The following PAK1 variants were observed in gnomAD, a reference collection of about 807,000 sequenced individuals.
PAK1 encodes the protein p21 (RAC1) activated kinase 1, also known as serine/threonine-protein kinase PAK 1.
PAK1 carries 29 observed loss-of-function variants against 67.4 expected under a neutral mutation model. The observed-to-expected ratio is 0.43, with a 90% CI of 0.32 to 0.59. The LOEUF (loss-of-function observed/expected upper bound fraction) is 0.59, where lower values mean the gene tolerates loss of function less well. Ranked by LOEUF, PAK1 falls within the 20% of genes least tolerant of loss-of-function variation. The probability of loss-of-function intolerance (pLI) is 0.07; values close to 1 mark genes in which losing one functional copy is unlikely to be tolerated. For missense variants in PAK1, 337 were observed against 670.7 expected (o/e 0.50, Z 5.50); for synonymous variants, 223 against 237.4 (o/e 0.94, Z 0.56).
At chr11:77,382,712 G>A (rs987473092) in intron 2 of PAK1, among the ~76,000 whole-genome samples, 1 of 152,068 alleles carries the variant, frequency 6.6e-6, no homozygotes, top group African/African-American at 2.4e-5. Flanking sequence ...AAATATTAGG[G>A]AATGGCCGGG....
chr11:77,385,709 T>C (rs1950361225), intron 2 of PAK1, among the ~76,000 whole-genome samples: 1 of 151,976 alleles, frequency 6.6e-6, no homozygotes, highest in Admixed American at 6.6e-5. Flanking sequence ...ATACAAAAAT[T>C]AGCCAGGCGT....
the PAK1 span, among the ~76,000 whole-genome samples, chr11:77,513,735 C>T: frequency 2.0e-5 from 3 of 146,384 alleles, no homozygotes; most frequent in Admixed American, 6.8e-5. Context: ...ACTGTGTGCA[C>T]GGACAAAGCA....
chr11:77,459,778 C>T (rs1293838512), intron 1 of PAK1, among the ~76,000 whole-genome samples: 1 of 149,342 alleles, frequency 6.7e-6, no homozygotes, highest in Non-Finnish European at 1.5e-5. Flanking sequence ...CTGCAAGCTC[C>T]GCCTCCCGGG....
chr11:77,511,350 G>C, the PAK1 span, among the ~76,000 whole-genome samples: 2 of 152,156 alleles, frequency 1.3e-5, no homozygotes, highest in African/African-American at 4.8e-5. Context: ...TGGTGAGTCT[G>C]GAGTCTTGTT....
chr11:77,359,441 C>G (rs2136599416), intron 5 of PAK1, among the ~76,000 whole-genome samples: 1 of 152,242 alleles, frequency 6.6e-6, no homozygotes, highest in Middle Eastern at 3.4e-3. Flanking sequence ...ACTATAATTT[C>G]TTACTCTCTC....
At chr11:77,356,585 T>A (rs536665068) in intron 6 of PAK1, among the ~76,000 whole-genome samples, 5 of 152,338 alleles carry the variant, frequency 3.3e-5, no homozygotes, top group Non-Finnish European at 5.9e-5. Context: ...ATAATAATGA[T>A]AACTATCTTT....
At chr11:77,484,218 TAA>T in the PAK1 span, among the ~76,000 whole-genome samples, 3 of 110,390 alleles carry the variant, frequency 2.7e-5, no homozygotes, top group Admixed American at 9.0e-5. Flanking sequence ...AAGTTATCCA[TAA>T]AAAAAAAAAA....
chr11:77,410,665 AG>A (rs1239493540), intron 1 of PAK1, among the ~76,000 whole-genome samples: 1 of 150,382 alleles, frequency 6.6e-6, no homozygotes, highest in Non-Finnish European at 1.5e-5. Flanking sequence ...GGGAGGAGGA[AG>A]GGTGAAGGGG....
chr11:77,399,634 CG>C (rs1418457385), intron 1 of PAK1, among the ~76,000 whole-genome samples: 1 of 151,670 alleles, frequency 6.6e-6, no homozygotes, highest in Non-Finnish European at 1.5e-5. Flanking sequence ...CCGAGGCTGG[CG>C]GATCACGAGG....
chr11:77,393,832 CT>C (rs1951477910), intron 1 of PAK1, among the ~76,000 whole-genome samples: 1 of 151,986 alleles, frequency 6.6e-6, no homozygotes, highest in Admixed American at 6.6e-5. Flanking sequence ...TTGAAACCCC[CT>C]CTCCACTAAA....
At chr11:77,494,726 A>T in the PAK1 span, among the ~76,000 whole-genome samples, 1 of 152,160 alleles carries the variant, frequency 6.6e-6, no homozygotes, top group African/African-American at 2.4e-5. Flanking sequence ...TTCTTTACAG[A>T]TTTAAAAATA....
At chr11:77,423,553 A>G (rs1955397231) in intron 1 of PAK1, among the ~76,000 whole-genome samples, 1 of 152,172 alleles carries the variant, frequency 6.6e-6, no homozygotes, top group Non-Finnish European at 1.5e-5. Context: ...TTTTGCTCTG[A>G]GCATCCTGGA....
intron 14 of PAK1, chr11:77,329,018 C>A (rs1243175308): frequency 3.9e-5 from 6 of 152,076 alleles, no homozygotes; most frequent in African/African-American, 1.4e-4. Flanking sequence ...CTATGCAAAT[C>A]AACTAGAAAA....
At chr11:77,480,268 C>T in the PAK1 span, among the ~76,000 whole-genome samples, 1 of 151,912 alleles carries the variant, frequency 6.6e-6, no homozygotes, top group Non-Finnish European at 1.5e-5. Context: ...AATGTTACCT[C>T]ATCAGAGAGG....
chr11:77,379,837 A>G, intron 3 of PAK1, 57 bp downstream of exon 3: 1 of 1,130,692 alleles, frequency 8.8e-7, no homozygotes, highest in Non-Finnish European at 1.3e-6. Context: ...GTTGAATCTA[A>G]CAGTGCACAG....
chr11:77,327,742 C>A (rs930635343), intron 14 of PAK1, among the ~76,000 whole-genome samples: 1 of 152,174 alleles, frequency 6.6e-6, no homozygotes, highest in African/African-American at 2.4e-5. Flanking sequence ...AGCAAAATAA[C>A]CAGCTAACAT....
At chr11:77,508,870 C>T in the PAK1 span, among the ~76,000 whole-genome samples, 2 of 149,728 alleles carry the variant, frequency 1.3e-5, no homozygotes, top group Non-Finnish European at 3.0e-5. Flanking sequence ...CCGTGTTAGC[C>T]AGGATGGCCT....
At chr11:77,435,423 G>A (rs1309816850) in intron 1 of PAK1, among the ~76,000 whole-genome samples, 1 of 151,970 alleles carries the variant, frequency 6.6e-6, no homozygotes, top group Non-Finnish European at 1.5e-5. Flanking sequence ...CAAGGTGGCT[G>A]GAAGATTATG....
the PAK1 span, among the ~76,000 whole-genome samples, chr11:77,514,417 C>A: frequency 1.6e-4 from 24 of 152,122 alleles, no homozygotes; most frequent in African/African-American, 5.3e-4. Flanking sequence ...ATCACTTGAA[C>A]CTGGGAGGCA....
Sources: allele counts gnomAD v4.1 joint callset (sites outside exome capture counted in the v4.1 genomes callset), GRCh38; gene constraint gnomAD v4.1.1; transcripts MANE v1.5; gene names NCBI Gene and HGNC (gene_info 2026-07-23, HGNC 2026-07-21).